TM9SF2: variants seen among roughly 807,000 people sequenced by gnomAD.
The protein encoded by TM9SF2 is 76 kDa membrane protein.
TM9SF2 carries 13 observed loss-of-function variants against 84.9 expected under a neutral mutation model. The ratio of observed to expected loss-of-function variants is 0.15; its 90% CI spans 0.10 to 0.24. The LOEUF (loss-of-function observed/expected upper bound fraction) is 0.24. Ranked by LOEUF, TM9SF2 falls within the 10% of genes least tolerant of loss-of-function variation. The pLI, the probability that TM9SF2 is intolerant of heterozygous loss-of-function variation, is 1.00. For synonymous variants in TM9SF2, 273 were observed against 285.8 expected (o/e 0.96, Z 0.45); for missense variants, 562 against 818.5 (o/e 0.69, Z 3.82).
At position 99,563,964 on chromosome 13, in the gene TM9SF2, G is replaced by T. The variant is rs2139118721; in HGVS notation, c.*1206G>T. ...TAGGGTCTCTCTGCTTGCTGCTTAG[G>T]AGAGCAAATCAGATACTGTCATTAA... is the stretch of plus-strand genomic sequence containing the variant. On this transcript the variant is annotated 3_prime_UTR_variant, in exon 17 of 17. Coordinates refer to ENST00000376387, the MANE Select transcript of TM9SF2 (RefSeq NM_004800.3). 1.3e-5 allele frequency: 2 copies of T among 152,130 alleles called. No homozygotes were observed. The highest frequency in any genetic ancestry group is 3.4e-3 in the Middle Eastern group (1 of 292). 9.4% of individuals were successfully genotyped at this position (152,130 alleles called of 1,614,324 possible). A position where few individuals can be genotyped will look rare whatever the true frequency, so the allele number is the denominator to read the frequency against.
At chr13:99,546,608 A>G (rs1219361185) in intron 10 of TM9SF2, among the ~76,000 whole-genome samples, 2 of 151,506 alleles carry the variant, frequency 1.3e-5, no homozygotes, top group Non-Finnish European at 2.9e-5. Flanking sequence ...ATATTTTTTA[A>G]TGAAAGAACA....
In TM9SF2 at chr13:99,529,575, T is replaced by C. The variant is rs34302265; in HGVS notation, c.442T>C (p.Leu148=). Residue 148 remains leucine (L), a synonymous_variant, in exon 4 of 17, where the codon TTG becomes CTG. Coordinates refer to ENST00000376387, the MANE Select transcript of TM9SF2 (RefSeq NM_004800.3). ...KLEFLKKSML[L]NYQHHWIVDN... Reference sequence around the variant, plus strand: ...AGAATTCTTGAAAAAAAGCATGTTATTGAATTATCAACATCACTGGTAAGG... The same window carrying C: ...AGAATTCTTGAAAAAAAGCATGTTACTGAATTATCAACATCACTGGTAAGG... 8,370 of 1,582,824 alleles carry C rather than the reference T, an allele frequency of 5.3e-3. 25 individuals are homozygous for C. Among genetic ancestry groups the C allele is most frequent in the Middle Eastern group, 0.011 (67 of 5,944 alleles).
intron 15 of TM9SF2, among the ~76,000 whole-genome samples, chr13:99,557,560 T>C (rs1407456898): frequency 6.6e-6 from 1 of 152,164 alleles, no homozygotes; most frequent in Non-Finnish European, 1.5e-5. Context: ...CCGTTGCTTA[T>C]GCTTTTGGTG....
At chr13:99,527,661 G>C (rs2046189781) in intron 3 of TM9SF2, among the ~76,000 whole-genome samples, 1 of 152,202 alleles carries the variant, frequency 6.6e-6, no homozygotes, top group Non-Finnish European at 1.5e-5. Context: ...GAGAAGTCTT[G>C]CCAGAAGTGT....
At chr13:99,556,525 A>G (rs1476411108) in intron 15 of TM9SF2, among the ~76,000 whole-genome samples, 1 of 147,234 alleles carries the variant, frequency 6.8e-6, no homozygotes, top group Non-Finnish European at 1.5e-5. Context: ...TTGACTTAGC[A>G]TGTTTTCAGG....
intron 12 of TM9SF2, among the ~76,000 whole-genome samples, chr13:99,550,084 A>G (rs1353469050): frequency 6.6e-6 from 1 of 152,212 alleles, no homozygotes; most frequent in Non-Finnish European, 1.5e-5. Flanking sequence ...GATTTCCTGC[A>G]GAATCTCCGA....
At chr13:99,554,177 A>G in intron 13 of TM9SF2, 127 bp from the exon 14 acceptor site, 1 of 1,140,822 alleles carries the variant, frequency 8.8e-7, no homozygotes, top group Non-Finnish European at 1.2e-6. Context: ...TTGATGTCTT[A>G]AGTAGACTTT....
At chr13:99,535,076 T>G (rs1695159500) in intron 4 of TM9SF2, among the ~76,000 whole-genome samples, 1 of 152,114 alleles carries the variant, frequency 6.6e-6, no homozygotes, top group Admixed American at 6.6e-5. Context: ...CACTTGAGCC[T>G]GGGAGGTTGA....
chr13:99,557,217 G>A (rs1235119783), intron 15 of TM9SF2, among the ~76,000 whole-genome samples: 1 of 152,090 alleles, frequency 6.6e-6, no homozygotes. Flanking sequence ...TGAAAAAATT[G>A]TAGCTGTCTT....
intron 4 of TM9SF2, among the ~76,000 whole-genome samples, chr13:99,535,304 T>C (rs1210477581): frequency 6.6e-6 from 1 of 152,252 alleles, no homozygotes; most frequent in African/African-American, 2.4e-5. Flanking sequence ...TAAATTGTGC[T>C]TTAATTTCTC....
At chr13:99,540,882 C>G in intron 8 of TM9SF2, 89 bp downstream of exon 8, 1 of 1,207,398 alleles carries the variant, frequency 8.3e-7, no homozygotes, top group Middle Eastern at 1.9e-4. Flanking sequence ...ATCCTCTCTA[C>G]TTTATTCAAA....
At chr13:99,558,645 G>GT (rs1250095649) in intron 15 of TM9SF2, among the ~76,000 whole-genome samples, 2 of 152,196 alleles carry the variant, frequency 1.3e-5, no homozygotes, top group African/African-American at 4.8e-5. Flanking sequence ...TTGCTGGTGT[G>GT]TAAAAACAAA....
chr13:99,543,808 A>G (rs1008923412), intron 9 of TM9SF2, 55 bp from the exon 10 acceptor site: 8 of 1,595,412 alleles, frequency 5.0e-6, no homozygotes, highest in East Asian at 2.2e-5. Flanking sequence ...CAAACTGTCT[A>G]TAGTTGTCTT....
intron 1 of TM9SF2, among the ~76,000 whole-genome samples, chr13:99,503,060 C>T (rs1469084140): frequency 6.6e-6 from 1 of 152,208 alleles, no homozygotes; most frequent in East Asian, 1.9e-4. Flanking sequence ...AGTTCATACT[C>T]TGCAGTGCAA....
intron 16 of TM9SF2, among the ~76,000 whole-genome samples, chr13:99,562,033 A>C (rs1399952393): frequency 1.3e-5 from 2 of 152,202 alleles, no homozygotes; most frequent in Admixed American, 1.3e-4. Context: ...CTATGGAGGC[A>C]ATGAGGACAG....
At chr13:99,513,320 G>C (rs1244795777) in intron 1 of TM9SF2, among the ~76,000 whole-genome samples, 1 of 152,210 alleles carries the variant, frequency 6.6e-6, no homozygotes, top group East Asian at 1.9e-4. Context: ...CATGATCAAG[G>C]AGATAGGTGA....
chr13:99,514,581 C>T (rs2046126214), intron 1 of TM9SF2, among the ~76,000 whole-genome samples: 1 of 152,216 alleles, frequency 6.6e-6, no homozygotes, highest in Non-Finnish European at 1.5e-5. Context: ...ACACGTTTCT[C>T]CAAACACATC....
Position 99,520,053 on chromosome 13 carries a change from C to T in TM9SF2, c.257C>T (p.Ala86Val), listed in dbSNP as rs770325895. Residue 86 changes from alanine to valine, a missense_variant, in exon 3 of 17, where the codon GCA (alanine) becomes GTA (valine). Physicochemically the swap from Ala to Val is moderately conservative, Grantham distance 64 (BLOSUM62 0). Around this residue, in one of 4 missense-constraint regions of TM9SF2, gnomAD observed 267 missense variants for 316.7 expected, o/e 0.84. Transcript: ENST00000376387. ...YEYTAFDFCQASEGKRPSENL... is the reference protein window; with the variant it reads ...YEYTAFDFCQVSEGKRPSENL... Reference sequence around the variant, plus strand: ...TCTCCCAGGTTTGATTTTTGCCAAGCATCAGAAGGAAAGCGCCCATCTGAA... The same window carrying T: ...TCTCCCAGGTTTGATTTTTGCCAAGTATCAGAAGGAAAGCGCCCATCTGAA... The T allele has an allele frequency of 1.9e-6, 3 of 1,613,136 alleles. No individual in the cohort carries two copies. The highest frequency in any genetic ancestry group is 1.3e-5 in the African/African-American group (1 of 74,850).
At chr13:99,537,607 T>C (rs2046240111) in intron 5 of TM9SF2, 132 bp from the exon 6 acceptor site, 6 of 698,134 alleles carry the variant, frequency 8.6e-6, no homozygotes, top group Middle Eastern at 4.1e-4. Flanking sequence ...AATTGAAACA[T>C]GTTAATGTGA....
Sources: allele counts gnomAD v4.1 joint callset (sites outside exome capture counted in the v4.1 genomes callset), GRCh38; gene constraint gnomAD v4.1.1; regional missense constraint gnomAD v4.1.1; transcripts MANE v1.5; gene names NCBI Gene and HGNC (gene_info 2026-07-23, HGNC 2026-07-21).